The following CDKAL1 variants were observed in gnomAD, a reference collection of about 807,000 sequenced individuals.
CDKAL1 encodes CDKAL1 threonylcarbamoyladenosine tRNA methylthiotransferase.
CDKAL1 carries 32 observed loss-of-function variants against 68.2 expected under a neutral mutation model. The ratio of observed to expected loss-of-function variants is 0.47; its 90% CI spans 0.35 to 0.63. The LOEUF (loss-of-function observed/expected upper bound fraction) is 0.63. Ranked by LOEUF, CDKAL1 falls within the 30% of genes least tolerant of loss-of-function variation. The pLI, the probability that CDKAL1 is intolerant of heterozygous loss-of-function variation, is 0.00. For missense variants in CDKAL1, 606 were observed against 696.7 expected, an observed-to-expected ratio of 0.87 and a Z score of 1.47; for synonymous variants, 234 against 244.3, an observed-to-expected ratio of 0.96 and a Z score of 0.39.
At chr6:20,703,472 T>C (rs1282825794) in intron 5 of CDKAL1, among the ~76,000 whole-genome samples, 1 of 152,210 alleles carries the variant, frequency 6.6e-6, no homozygotes, top group African/African-American at 2.4e-5. Context: ...ACCCAACTCT[T>C]TTATGTGCTC....
intron 9 of CDKAL1, among the ~76,000 whole-genome samples, chr6:20,911,566 G>T (rs1382007861): frequency 6.6e-6 from 1 of 152,204 alleles, no homozygotes; most frequent in Non-Finnish European, 1.5e-5. Context: ...TACAAGTAAG[G>T]TTTTCACATT....
At chr6:20,873,157 T>C (rs10946414) in intron 9 of CDKAL1, among the ~76,000 whole-genome samples, 62,361 of 151,914 alleles carry the variant, frequency 0.41, 13,049 homozygotes, top group East Asian at 0.53. Context: ...AGAGGGGACA[T>C]GAGGGGCAAG....
chr6:20,790,033 C>A (rs1775831924), intron 8 of CDKAL1, among the ~76,000 whole-genome samples: 1 of 152,126 alleles, frequency 6.6e-6, no homozygotes, highest in Non-Finnish European at 1.5e-5. Flanking sequence ...TGGCTTCAAG[C>A]AATCCTCCTG....
intron 13 of CDKAL1, among the ~76,000 whole-genome samples, chr6:21,151,740 A>G (rs762893256): frequency 1.1e-4 from 16 of 151,950 alleles, no homozygotes; most frequent in Non-Finnish European, 2.2e-4. Context: ...CTGGGTTGTT[A>G]TTTAACTTTT....
At chr6:20,968,448 C>T (rs956816203) in intron 10 of CDKAL1, among the ~76,000 whole-genome samples, 3 of 152,024 alleles carry the variant, frequency 2.0e-5, no homozygotes, top group African/African-American at 4.8e-5. Flanking sequence ...TGTGAGCCAC[C>T]GCACCCAGCC....
chr6:20,872,649 G>C (rs1440681291), intron 9 of CDKAL1, among the ~76,000 whole-genome samples: 1 of 152,182 alleles, frequency 6.6e-6, no homozygotes, highest in Admixed American at 6.5e-5. Flanking sequence ...TTGAAGCCTT[G>C]TGTCCTATTC....
At chr6:20,759,103 C>T (rs1267801927) in intron 7 of CDKAL1, among the ~76,000 whole-genome samples, 2 of 152,134 alleles carry the variant, frequency 1.3e-5, no homozygotes, top group African/African-American at 2.4e-5. Context: ...CATGTAACTG[C>T]ACTCCAGCCT....
At chr6:20,919,303 C>T (rs2150644992) in intron 9 of CDKAL1, among the ~76,000 whole-genome samples, 1 of 152,336 alleles carries the variant, frequency 6.6e-6, no homozygotes, top group East Asian at 1.9e-4. Context: ...GCTATATCCA[C>T]ACCATATTTG....
At chr6:21,089,793 G>A (rs1562021995) in intron 12 of CDKAL1, among the ~76,000 whole-genome samples, 1 of 152,238 alleles carries the variant, frequency 6.6e-6, no homozygotes. Flanking sequence ...ATCATGGCAA[G>A]CTTTATAAGC....
chr6:20,669,527 T>A (rs984176567), intron 5 of CDKAL1, among the ~76,000 whole-genome samples: 2 of 152,172 alleles, frequency 1.3e-5, no homozygotes, highest in Non-Finnish European at 2.9e-5. Flanking sequence ...TCTTATTGAG[T>A]GAGGATTTTA....
chr6:20,814,288 A>T (rs1419268014), intron 8 of CDKAL1, among the ~76,000 whole-genome samples: 6 of 152,034 alleles, frequency 3.9e-5, no homozygotes, highest in Non-Finnish European at 8.8e-5. Flanking sequence ...ACCTTCCTAA[A>T]CTTACTCATT....
intron 13 of CDKAL1, among the ~76,000 whole-genome samples, chr6:21,122,768 C>G (rs1167061350): frequency 6.7e-6 from 1 of 150,028 alleles, no homozygotes. Flanking sequence ...TTCTGAGTAG[C>G]TAGGATACAG....
At chr6:20,922,919 G>C (rs558369691) in intron 9 of CDKAL1, among the ~76,000 whole-genome samples, 1 of 152,252 alleles carries the variant, frequency 6.6e-6, no homozygotes, top group South Asian at 2.1e-4. Context: ...TATGTTTAAG[G>C]CATAGGTCAT....
chr6:21,197,110 A>T (rs1778503111), intron 13 of CDKAL1, among the ~76,000 whole-genome samples: 1 of 150,932 alleles, frequency 6.6e-6, no homozygotes, highest in Non-Finnish European at 1.5e-5. Context: ...GTGAGCCAAG[A>T]TCATGCCACT....
At chr6:20,857,795 C>A (rs1353135793) in intron 9 of CDKAL1, among the ~76,000 whole-genome samples, 1 of 152,184 alleles carries the variant, frequency 6.6e-6, no homozygotes, top group Non-Finnish European at 1.5e-5. Context: ...GGCCAGTTTT[C>A]TCTCTGTGAT....
chr6:20,719,393 G>A (rs1772241750), intron 5 of CDKAL1, among the ~76,000 whole-genome samples: 2 of 152,114 alleles, frequency 1.3e-5, no homozygotes, highest in Admixed American at 6.5e-5. Flanking sequence ...GATGGTCAGA[G>A]GACCAAATAC....
chr6:21,014,278 C>T (rs1426709416), intron 11 of CDKAL1, among the ~76,000 whole-genome samples: 1 of 152,048 alleles, frequency 6.6e-6, no homozygotes, highest in African/African-American at 2.4e-5. Context: ...ATAAAGGGGC[C>T]ACTGAAAATC....
intron 11 of CDKAL1, among the ~76,000 whole-genome samples, chr6:21,002,300 CTA>C (rs1767468344): frequency 6.6e-6 from 1 of 152,172 alleles, no homozygotes; most frequent in East Asian, 1.9e-4. Context: ...CTAGAACCAA[CTA>C]TGTTTCCCAG....
intron 10 of CDKAL1, among the ~76,000 whole-genome samples, chr6:20,984,672 TCTC>T (rs1377994765): frequency 8.0e-6 from 1 of 125,244 alleles, no homozygotes; most frequent in African/African-American, 4.1e-5. Context: ...GGGAAGGTAA[TCTC>T]CTCTCCGAAG....
Sources: allele counts gnomAD v4.1 joint callset (sites outside exome capture counted in the v4.1 genomes callset), GRCh38; gene constraint gnomAD v4.1.1; transcripts MANE v1.5; gene names NCBI Gene and HGNC (gene_info 2026-07-23, HGNC 2026-07-21).